The following PRSS23 variants were observed in gnomAD, a reference collection of about 807,000 sequenced individuals.
PRSS23 encodes the protein protease, serine 23.
In PRSS23, 25 loss-of-function variants were observed where a neutral mutation model predicts 34.7. The observed-to-expected ratio is 0.72, with a 90% CI of 0.53 to 1.01. PRSS23 has a LOEUF of 1.01. Among genes scored for constraint, PRSS23 ranks in the 50% least tolerant of loss-of-function variants. PRSS23 has a pLI of 0.00. For synonymous variants in PRSS23, 176 were observed against 186.6 expected (o/e 0.94, Z 0.46); for missense variants, 445 against 475.6 (o/e 0.94, Z 0.60).
chr11:86,834,196 A>G (rs528424247), intron 2 of PRSS23, among the ~76,000 whole-genome samples: 1 of 152,360 alleles, frequency 6.6e-6, no homozygotes, highest in East Asian at 1.9e-4. Context: ...GGCCTGGTCC[A>G]GTAAATAAGA....
rs55884309 is a variant in PRSS23 at position 86,824,005 on chromosome 11, C to CAAAA, written c.206+435_206+438dup. Among the ~76,000 whole-genome samples, 30 of 30,504 alleles carry CAAAA rather than the reference C, an allele frequency of 9.8e-4. 1 individual carries two copies. Among genetic ancestry groups the CAAAA allele is most frequent in the African/African-American group, 4.0e-3 (28 of 6,962 alleles). The allele number at this position is 30,504 out of a possible 152,430, so 20.0% of individuals were successfully genotyped here. Reference sequence around the variant, plus strand: ...TGGGCGACAGAGCGAGACTCCGTCTCAAAAAAAAAAAAAAAAAAAAAAAAA... The same window carrying CAAAA: ...TGGGCGACAGAGCGAGACTCCGTCTCAAAAAAAAAAAAAAAAAAAAAAAAAAAAA... On this transcript the variant is annotated intron_variant, in intron 2 of 2. Coordinates refer to the PRSS23 transcript ENST00000533902.
intron 2 of PRSS23, among the ~76,000 whole-genome samples, chr11:86,846,144 TTC>T (rs952418991): frequency 2.0e-5 from 3 of 152,146 alleles, no homozygotes; most frequent in African/African-American, 7.2e-5. Flanking sequence ...CTACAACTTT[TTC>T]TCTCTCTCGG....
chr11:86,863,779 A>G (rs1948631590), intron 2 of PRSS23, among the ~76,000 whole-genome samples: 1 of 137,100 alleles, frequency 7.3e-6, no homozygotes. Context: ...CTTCCTAACG[A>G]TTAACAGATG....
At chr11:86,883,939 CT>C (rs75778096) in intron 2 of PRSS23, among the ~76,000 whole-genome samples, 13,185 of 152,178 alleles carry the variant, frequency 0.087, 626 homozygotes, top group East Asian at 0.2. Context: ...ATCGAACTAA[CT>C]TTTTTATCTC....
intron 2 of PRSS23, among the ~76,000 whole-genome samples, chr11:86,902,754 T>C (rs1414811473): frequency 6.6e-6 from 1 of 152,204 alleles, no homozygotes; most frequent in East Asian, 1.9e-4. Flanking sequence ...TTCTGCTCTC[T>C]GCTAATTCCA....
In PRSS23 at chr11:86,821,801, C is replaced by A. The variant is rs529126650; in HGVS notation, c.-11-1576C>A. The A allele has an allele frequency of 1.6e-5, 13 of 807,120 alleles. No homozygotes were observed. The Admixed American group carries it at 2.7e-4, about 17-fold the overall frequency. 50.0% of individuals were successfully genotyped at this position (807,120 alleles called of 1,614,324 possible). On this transcript the variant is annotated intron_variant, in intron 1 of 2. Transcript: ENST00000533902. ...CCCGTTCCGCCTCAGCACGCTGCCC[C>A]CTCCGCCATGACCATAGTGTCAGCG...
chr11:86,802,527 A>G (rs566423435), intron 1 of PRSS23, among the ~76,000 whole-genome samples: 14 of 152,346 alleles, frequency 9.2e-5, no homozygotes, highest in South Asian at 2.1e-4. Flanking sequence ...TCACCGTTCC[A>G]TATCACTGAC....
chr11:86,898,774 T>A (rs1455447768), intron 2 of PRSS23, among the ~76,000 whole-genome samples: 1 of 152,172 alleles, frequency 6.6e-6, no homozygotes, highest in Non-Finnish European at 1.5e-5. Context: ...GGTGTGCATA[T>A]CTCTTCTCTG....
chr11:86,917,102 G>A (rs531885735), intron 2 of PRSS23, among the ~76,000 whole-genome samples: 115 of 152,196 alleles, frequency 7.6e-4, no homozygotes, highest in South Asian at 8.3e-4. Context: ...GGCAGATCAC[G>A]TGAGGTCAGG....
intron 2 of PRSS23, among the ~76,000 whole-genome samples, chr11:86,887,591 C>G (rs548779173): frequency 3.3e-5 from 5 of 152,290 alleles, no homozygotes; most frequent in Non-Finnish European, 7.4e-5. Flanking sequence ...CTGATGCCCA[C>G]TGTGAAAGAA....
In PRSS23 at chr11:86,807,909, C is replaced by T. The variant is rs575669604; in HGVS notation, c.266C>T (p.Thr89Met). ...GCCAAGCAATATCTGTCTTATGAAACGCTCTATGCCAATGGCAGCCGCACA... is the reference window on the plus strand; with the variant it reads ...GCCAAGCAATATCTGTCTTATGAAATGCTCTATGCCAATGGCAGCCGCACA... ...EEAKQYLSYE[T>M]LYANGSRTET... The change falls in exon 2 of 2, where the codon ACG becomes ATG. Residue 89 changes from threonine to methionine, a missense_variant. By Grantham distance (81) the Thr-to-Met change is moderately conservative. Coordinates refer to ENST00000280258, the MANE Select transcript of PRSS23 (RefSeq NM_007173.6). 3.8e-5 allele frequency: 61 copies of T among 1,614,148 alleles called. No individual in the cohort carries two copies. Among genetic ancestry groups the T allele is most frequent in the East Asian group, 6.7e-5 (3 of 44,864 alleles).
chr11:86,888,225 C>G (rs369231652), intron 2 of PRSS23, among the ~76,000 whole-genome samples: 1 of 151,624 alleles, frequency 6.6e-6, no homozygotes, highest in Non-Finnish European at 1.5e-5. Context: ...TTGAACAGGA[C>G]CTTGAAAGAT....
At chr11:86,874,118 TAAAGGGG>T (rs1433876595) in intron 2 of PRSS23, among the ~76,000 whole-genome samples, 2 of 151,974 alleles carry the variant, frequency 1.3e-5, no homozygotes, top group African/African-American at 4.8e-5. Flanking sequence ...AAGAGAAGAA[TAAAGGGG>T]AAAGGTTGGG....
chr11:86,823,455 A>G, exon 2 of PRSS23: 1 of 702,428 alleles, frequency 1.4e-6, no homozygotes, highest in East Asian at 2.7e-5. Flanking sequence ...GTGAAGCGAG[A>G]GGGCTCAACA....
At chr11:86,935,335 T>C (rs534572637) in intron 2 of PRSS23, 1 of 152,384 alleles carries the variant, frequency 6.6e-6, no homozygotes, top group Admixed American at 6.5e-5. Context: ...AGACACAGTA[T>C]CTGTTCTCAG....
intron 2 of PRSS23, among the ~76,000 whole-genome samples, chr11:86,825,857 A>G (rs950120041): frequency 1.0e-4 from 15 of 150,668 alleles, no homozygotes; most frequent in African/African-American, 3.4e-4. Flanking sequence ...TTTTGGTACC[A>G]GTACCATGCT....
At chr11:86,925,937 A>T (rs1214284220) in intron 2 of PRSS23, among the ~76,000 whole-genome samples, 1 of 152,234 alleles carries the variant, frequency 6.6e-6, no homozygotes, top group Admixed American at 6.5e-5. Context: ...TGTCATATTC[A>T]AACTGAAAAT....
upstream of PRSS23, among the ~76,000 whole-genome samples, chr11:86,799,113 C>A (rs527397042): frequency 1.8e-4 from 27 of 152,170 alleles, 1 homozygote; most frequent in African/African-American, 6.5e-4. Flanking sequence ...AAATACCAGG[C>A]CGGGAGCAGT....
At chr11:86,827,343 C>T (rs1440233819) in intron 2 of PRSS23, among the ~76,000 whole-genome samples, 1 of 152,106 alleles carries the variant, frequency 6.6e-6, no homozygotes, top group East Asian at 1.9e-4. Flanking sequence ...GGTGATATCT[C>T]CTTTATCATT....
Sources: allele counts gnomAD v4.1 joint callset (sites outside exome capture counted in the v4.1 genomes callset), GRCh38; gene constraint gnomAD v4.1.1; transcripts MANE v1.5; gene names NCBI Gene and HGNC (gene_info 2026-07-23, HGNC 2026-07-21).